ETFA: variants seen among roughly 807,000 people sequenced by gnomAD.
ETFA encodes the protein electron transfer flavoprotein subunit alpha, mitochondrial.
Under a neutral mutation model 46.2 loss-of-function variants are expected in ETFA, and 22 were observed. The ratio of observed to expected loss-of-function variants is 0.48; its 90% CI spans 0.34 to 0.68. The LOEUF (loss-of-function observed/expected upper bound fraction) is 0.68. ETFA is among the 30% of genes least tolerant of loss of function. The pLI is 0.01. For synonymous variants in ETFA, 131 were observed against 139.9 expected (o/e 0.94, Z 0.45); for missense variants, 345 against 401.1 (o/e 0.86, Z 1.19).
At chr15:76,236,491 C>A (rs907302576) in intron 9 of ETFA, among the ~76,000 whole-genome samples, 5 of 152,136 alleles carry the variant, frequency 3.3e-5, no homozygotes, top group Admixed American at 3.3e-4. Flanking sequence ...TTGTAAACTC[C>A]ACTAGGGAAC....
chr15:76,298,496 G>C (rs2039849235), intron 1 of ETFA, among the ~76,000 whole-genome samples: 1 of 152,162 alleles, frequency 6.6e-6, no homozygotes, highest in South Asian at 2.1e-4. Flanking sequence ...AACTAACATT[G>C]ATGGAGCACT....
intron 9 of ETFA, among the ~76,000 whole-genome samples, chr15:76,238,088 T>C (rs2039145602): frequency 6.6e-6 from 1 of 152,198 alleles, no homozygotes; most frequent in South Asian, 2.1e-4. Flanking sequence ...ACATATGAAG[T>C]TGAAATTATG....
chr15:76,262,474 C>CTTTTTTTT (rs60480510), intron 9 of ETFA, among the ~76,000 whole-genome samples: 5 of 84,688 alleles, frequency 5.9e-5, no homozygotes, highest in Admixed American at 1.9e-4. Flanking sequence ...ATCAAACCCC[C>CTTTTTTTT]TTTTTTTTTT....
chr15:76,244,184 C>A (rs2039222486), intron 9 of ETFA, among the ~76,000 whole-genome samples: 2 of 152,210 alleles, frequency 1.3e-5, no homozygotes, highest in African/African-American at 4.8e-5. Flanking sequence ...CACATCCAGC[C>A]CTCAAAATGT....
intron 9 of ETFA, among the ~76,000 whole-genome samples, chr15:76,268,512 T>A (rs932482641): frequency 6.6e-6 from 1 of 152,198 alleles, no homozygotes; most frequent in Non-Finnish European, 1.5e-5. Context: ...GCCAGGATTT[T>A]ACCTTTTGCT....
chr15:76,263,086 C>A (rs1015461664), intron 9 of ETFA, among the ~76,000 whole-genome samples: 3 of 152,204 alleles, frequency 2.0e-5, no homozygotes, highest in Non-Finnish European at 4.4e-5. Flanking sequence ...AATGCTACAC[C>A]ATCATAGCTG....
intron 9 of ETFA, among the ~76,000 whole-genome samples, chr15:76,253,059 G>A (rs1163859695): frequency 2.0e-5 from 3 of 151,992 alleles, no homozygotes; most frequent in African/African-American, 4.8e-5. Context: ...GACTACAGAC[G>A]TACACCACGG....
chr15:76,288,392 C>T (rs1302045423), intron 4 of ETFA, among the ~76,000 whole-genome samples: 1 of 151,970 alleles, frequency 6.6e-6, no homozygotes, highest in East Asian at 1.9e-4. Flanking sequence ...GACATTTCAC[C>T]TTTTGTTTAA....
intron 8 of ETFA, among the ~76,000 whole-genome samples, chr15:76,278,743 C>A (rs1334264043): frequency 2.0e-5 from 3 of 152,104 alleles, no homozygotes; most frequent in African/African-American, 7.2e-5. Context: ...TTCTTATTCA[C>A]TGAAAAAAAC....
intron 9 of ETFA, among the ~76,000 whole-genome samples, chr15:76,272,757 A>C (rs1220205027): frequency 2.6e-5 from 4 of 150,980 alleles, no homozygotes; most frequent in African/African-American, 9.8e-5. Flanking sequence ...GCCTGTGACC[A>C]ACCCCTGCAC....
In ETFA at chr15:76,295,718, T is replaced by C; in HGVS notation, c.59A>G (p.Gln20Arg). 6.2e-7 allele frequency: 1 copy of C among 1,610,850 alleles called. No homozygotes were observed. The highest frequency in any genetic ancestry group is 8.5e-7 in the Non-Finnish European group (1 of 1,179,318). The part of the protein sequence containing the change: ...LRRAASLLRF[Q>R]STLVIAEHAN... ...ATGCTCAGCTATTACCAGGGTACTC[T>C]GAAATCGTAGCAATGAGGCCTAAAA... is the stretch of plus-strand genomic sequence containing the variant. Residue 20 changes from glutamine to arginine, a missense_variant, in exon 2 of 12, where the codon CAG (glutamine) becomes CGG (arginine). Gln to Arg is a conservative substitution (Grantham distance 43, BLOSUM62 1). Coordinates refer to ENST00000557943, the MANE Select transcript of ETFA (RefSeq NM_000126.4).
chr15:76,296,001 GCGCGTGCGACCA>G, intron 1 of ETFA, among the ~76,000 whole-genome samples: 1 of 103,192 alleles, frequency 9.7e-6, no homozygotes, highest in Admixed American at 1.3e-4. Flanking sequence ...GAGTGCAGTG[GCGCGTGCGACCA>G]TGGCTCACTG....
At chr15:76,304,914 G>A (rs113986711) in intron 1 of ETFA, among the ~76,000 whole-genome samples, 2,012 of 151,674 alleles carry the variant, frequency 0.013, 33 homozygotes, top group African/African-American at 0.04. Flanking sequence ...GTGGTGGCGG[G>A]CACCTGTAGT....
At chr15:76,295,936 C>CCTTTTTTTTTTT (rs2039816100) in intron 1 of ETFA, among the ~76,000 whole-genome samples, 199 bp from the exon 2 acceptor site, 4 of 46,600 alleles carry the variant, frequency 8.6e-5, no homozygotes, top group African/African-American at 2.7e-4. Context: ...CACTAATATT[C>CCTTTTTTTTTTT]TTTTTTTTTT....
chr15:76,238,991 C>T (rs937872428), intron 9 of ETFA, among the ~76,000 whole-genome samples: 18 of 152,194 alleles, frequency 1.2e-4, no homozygotes, highest in Non-Finnish European at 1.5e-4. Flanking sequence ...ATCCATGAGA[C>T]AACACCCCTT....
chr15:76,226,101 A>G (rs1033676083), intron 10 of ETFA, 172 bp from the exon 11 acceptor site: 2 of 593,854 alleles, frequency 3.4e-6, no homozygotes, highest in South Asian at 2.1e-5. Flanking sequence ...TTGGAATGTA[A>G]TAAAATTCTC....
At position 76,243,960 on chromosome 15, in the gene ETFA, C is replaced by T. The variant is rs1234919003; in HGVS notation, c.817-12562G>A. ...GGAGTGCGATGGTGCGATCTCAGCT[C>T]ACCGCAACCTCTGCCTCCCAGGTTC... On this transcript the variant is annotated intron_variant, in intron 9 of 11. Transcript: ENST00000557943. Among the ~76,000 whole-genome samples the T allele has an allele frequency of 2.0e-5, 3 of 152,158 alleles. No homozygotes were observed. In the East Asian group the frequency reaches 5.8e-4, roughly 29 times the overall value.
rs560461273 is a variant in ETFA at position 76,274,948 on chromosome 15, A to G, written c.734-454T>C. On this transcript the variant is annotated intron_variant, in intron 8 of 11. Coordinates refer to ENST00000557943, the MANE Select transcript of ETFA (RefSeq NM_000126.4). ...TCAACAGGAGTCAACAATGAGCCCT[A>G]TACTTGGAGTAAAACAACCCCTTCC... Among the ~76,000 whole-genome samples, 40 of 152,288 alleles carry G rather than the reference A, an allele frequency of 2.6e-4. No individual in the cohort carries two copies. In the South Asian group the frequency reaches 7.9e-3, roughly 30 times the overall value.
At chr15:76,250,578 G>T (rs1169984690) in intron 9 of ETFA, among the ~76,000 whole-genome samples, 1 of 152,010 alleles carries the variant, frequency 6.6e-6, no homozygotes, top group East Asian at 1.9e-4. Context: ...TGTTGATCAG[G>T]CTGGAGTGCA....
Sources: gnomAD v4.1 joint callset for allele counts (sites outside exome capture counted in the v4.1 genomes callset) on GRCh38, gnomAD v4.1.1 for gene constraint, MANE v1.5 for transcripts, NCBI Gene and HGNC (gene_info 2026-07-23, HGNC 2026-07-21) for gene names.